The following SCFD1 variants were observed in gnomAD, a reference collection of about 807,000 sequenced individuals.
SCFD1 encodes the protein sec1 family domain containing 1, also known as sec1 family domain-containing protein 1.
In SCFD1, 37 loss-of-function variants were observed where a neutral mutation model predicts 103.2. The observed-to-expected ratio is 0.36, with a 90% CI of 0.28 to 0.47. The LOEUF is 0.47. SCFD1 is among the 20% of genes least tolerant of loss of function. SCFD1 has a pLI of 1.00. For missense variants in SCFD1, 639 were observed against 761.2 expected, an observed-to-expected ratio of 0.84 and a Z score of 1.89; for synonymous variants, 264 against 245.0, an observed-to-expected ratio of 1.08 and a Z score of -0.73.
chr14:30,639,228 C>G (rs1200099933), intron 5 of SCFD1, among the ~76,000 whole-genome samples: 1 of 152,042 alleles, frequency 6.6e-6, no homozygotes, highest in Non-Finnish European at 1.5e-5. Context: ...CTCAAACAGT[C>G]CTCCCACCTC....
intron 14 of SCFD1, among the ~76,000 whole-genome samples, chr14:30,692,683 A>T (rs1890399280): frequency 6.6e-6 from 1 of 152,246 alleles, no homozygotes; most frequent in Non-Finnish European, 1.5e-5. Context: ...AATTTAGTGA[A>T]TAGTGATAAA....
At chr14:30,724,524 A>G (rs959466448) in intron 23 of SCFD1, among the ~76,000 whole-genome samples, 3 of 152,068 alleles carry the variant, frequency 2.0e-5, no homozygotes, top group Non-Finnish European at 4.4e-5. Context: ...AAGTGCTGAG[A>G]TTACAGGTGT....
At chr14:30,668,482 G>A (rs1181174155) in intron 10 of SCFD1, among the ~76,000 whole-genome samples, 6 of 152,128 alleles carry the variant, frequency 3.9e-5, no homozygotes, top group Non-Finnish European at 1.5e-5. Flanking sequence ...TCAGGACATA[G>A]GCATGGGCAA....
chr14:30,724,297 G>T (rs114640309), intron 23 of SCFD1, among the ~76,000 whole-genome samples: 1,385 of 131,230 alleles, frequency 0.011, 23 homozygotes, highest in African/African-American at 0.038. Context: ...CCATCGCCCA[G>T]GTTGGAGTGC....
chr14:30,715,859 GGTT>G (rs1426539173), intron 19 of SCFD1, 62 bp from the exon 20 acceptor site: 23 of 830,776 alleles, frequency 2.8e-5, no homozygotes, highest in Non-Finnish European at 4.2e-5. Context: ...AGAATGATCA[GGTT>G]GTTTTAATAG....
rs78752546 is a variant in SCFD1 at position 30,643,783 on chromosome 14, G to A, written c.613+378G>A. 3.9e-5 allele frequency: 12 copies of A among 304,448 alleles called. No individual in the cohort carries two copies. In the East Asian group the frequency reaches 1.0e-3, roughly 26 times the overall value. The allele number at this position is 304,448 out of a possible 1,614,324, so 18.9% of individuals were successfully genotyped here. A position where few individuals can be genotyped will look rare whatever the true frequency, so the allele number is the denominator to read the frequency against. ...TGTTTGGTAACTATTAAGTTCAGAT[G>A]CCCAAGGCTCCAGAAAACATTATGT... On this transcript the variant is annotated intron_variant, in intron 7 of 24. Coordinates refer to ENST00000458591, the MANE Select transcript of SCFD1 (RefSeq NM_016106.4).
chr14:30,671,918 T>G (rs1293402872), intron 11 of SCFD1, among the ~76,000 whole-genome samples: 2 of 151,794 alleles, frequency 1.3e-5, no homozygotes, highest in Non-Finnish European at 2.9e-5. Flanking sequence ...GTTATGATAG[T>G]TACCTCAACA....
chr14:30,724,351 C>G (rs1009960625), intron 23 of SCFD1, among the ~76,000 whole-genome samples: 2 of 138,690 alleles, frequency 1.4e-5, no homozygotes, highest in Non-Finnish European at 3.0e-5. Flanking sequence ...CTCCCAGATT[C>G]AAGCGATTCT....
At chr14:30,683,533 T>G in intron 14 of SCFD1, 1 of 296,512 alleles carries the variant, frequency 3.4e-6, no homozygotes, top group Non-Finnish European at 6.5e-6. Context: ...CACCCCAGCT[T>G]GGCTCTGCTC....
At chr14:30,648,125 TGGA>T (rs756713531) in intron 7 of SCFD1, among the ~76,000 whole-genome samples, 1 of 152,204 alleles carries the variant, frequency 6.6e-6, no homozygotes, top group Non-Finnish European at 1.5e-5. Context: ...GAAAACAACA[TGGA>T]GGCATCCATT....
intron 16 of SCFD1, among the ~76,000 whole-genome samples, chr14:30,701,436 T>C (rs1594729602): frequency 6.6e-6 from 1 of 152,044 alleles, no homozygotes; most frequent in Non-Finnish European, 1.5e-5. Context: ...ACATCTGTAA[T>C]CTCAGCTACT....
chr14:30,639,409 C>A (rs1885048237), intron 5 of SCFD1, among the ~76,000 whole-genome samples: 1 of 152,160 alleles, frequency 6.6e-6, no homozygotes, highest in Non-Finnish European at 1.5e-5. Context: ...TGGTGTAAAA[C>A]AATTACTGTG....
At chr14:30,722,735 T>G (rs888271745) in intron 23 of SCFD1, 176 bp downstream of exon 23, 1 of 396,662 alleles carries the variant, frequency 2.5e-6, no homozygotes. Context: ...CACATTCATT[T>G]CTGGCCTAAA....
intron 21 of SCFD1, among the ~76,000 whole-genome samples, chr14:30,719,599 C>T (rs889796975): frequency 3.9e-5 from 6 of 152,016 alleles, no homozygotes; most frequent in African/African-American, 9.7e-5. Context: ...TCCATTTAGA[C>T]GTTTACTGGT....
rs1390389186 is a variant in SCFD1, at chr14:30,702,341, A to C, written c.1456A>C (p.Asn486His). 6.2e-7 allele frequency: 1 copy of C among 1,602,340 alleles called. No individual in the cohort carries two copies. The highest frequency in any genetic ancestry group is 2.2e-5 in the East Asian group (1 of 44,464). ...YKKALTDAGC[N>H]LNPLQYIKQW... ...AAAAGCTTTAACTGATGCAGGATGC[A>C]ACCTTAATCCTTTACAATATATCAA... is the stretch of plus-strand genomic sequence containing the variant. Residue 486 changes from asparagine (N) to histidine (H), a missense_variant, in exon 17 of 25, where the codon AAC becomes CAC. Transcript: ENST00000458591.
chr14:30,734,465 G>A, intron 23 of SCFD1: 1 of 315,452 alleles, frequency 3.2e-6, no homozygotes, highest in South Asian at 3.5e-5. Context: ...TACATTGGAA[G>A]AATGTTGTTC....
At chr14:30,670,424 T>G in intron 11 of SCFD1, 29 bp downstream of exon 11, 2 of 1,463,350 alleles carry the variant, frequency 1.4e-6, no homozygotes, top group Non-Finnish European at 9.2e-7. Flanking sequence ...AGTAAAAGAT[T>G]CATTTTTTTA....
chr14:30,638,011 A>T, intron 4 of SCFD1, 114 bp from the exon 5 acceptor site: 2 of 1,290,532 alleles, frequency 1.5e-6, no homozygotes, highest in Non-Finnish European at 2.0e-6. Context: ...ACTTTTTTTG[A>T]TTGTCATTTA....
chr14:30,707,928 C>T (rs1891587783), intron 18 of SCFD1, 62 bp from the exon 19 acceptor site: 16 of 1,080,022 alleles, frequency 1.5e-5, no homozygotes, highest in East Asian at 2.4e-5. Context: ...AATATTTTAT[C>T]GATAACAGAT....
Sources: gnomAD v4.1 joint callset for allele counts (sites outside exome capture counted in the v4.1 genomes callset) on GRCh38, gnomAD v4.1.1 for gene constraint, MANE v1.5 for transcripts, NCBI Gene and HGNC (gene_info 2026-07-23, HGNC 2026-07-21) for gene names.